Variants in WDR72 observed in about 807,000 individuals in gnomAD.
WDR72 encodes WD repeat domain 72.
In WDR72, 120 loss-of-function variants were observed where a neutral mutation model predicts 124.2. That is an observed-to-expected ratio of 0.97 (90% CI 0.83 to 1.12). The LOEUF (loss-of-function observed/expected upper bound fraction) is 1.12. Ranked by LOEUF, WDR72 falls within the 50% of genes most tolerant of loss-of-function variation. The pLI is 0.00. For missense variants in WDR72, 1,387 were observed against 1,278.8 expected (o/e 1.08, Z -1.29); for synonymous variants, 452 against 441.7 (o/e 1.02, Z -0.29).
rs185278212 is a variant in WDR72, at chr15:53,722,947, C to T, written c.154-39G>A. 98 of 1,560,560 alleles carry T rather than the reference C, an allele frequency of 6.3e-5. 1 individual carries two copies. The African/African-American group carries it at 1.1e-3, about 18-fold the overall frequency. On this transcript the variant is annotated intron_variant, in intron 2 of 19. Transcript: ENST00000360509. The stretch of plus-strand genomic sequence containing the variant: ...GAGTGAGCTTTTAAATAATTGTAAA[C>T]TGTTTGAAGAATAAAAACACCACAA...
At chr15:53,541,431 T>C (rs994804296) in intron 18 of WDR72, among the ~76,000 whole-genome samples, 1 of 151,148 alleles carries the variant, frequency 6.6e-6, no homozygotes, top group Non-Finnish European at 1.5e-5. Flanking sequence ...CAGCTGAGGG[T>C]CCTGTCTGTT....
intron 18 of WDR72, among the ~76,000 whole-genome samples, chr15:53,546,405 A>G (rs1362202741): frequency 4.0e-5 from 6 of 151,140 alleles, no homozygotes; most frequent in Non-Finnish European, 7.4e-5. Flanking sequence ...TCAGTAAACT[A>G]TCGCAAGAAC....
intron 10 of WDR72, among the ~76,000 whole-genome samples, chr15:53,705,553 C>T (rs998428688): frequency 2.6e-5 from 4 of 152,148 alleles, no homozygotes; most frequent in Non-Finnish European, 4.4e-5. Context: ...ACCTCCACCT[C>T]CTGGGTTTAA....
intron 17 of WDR72, among the ~76,000 whole-genome samples, chr15:53,599,021 G>A (rs2012917197): frequency 6.6e-6 from 1 of 152,004 alleles, no homozygotes; most frequent in Admixed American, 6.6e-5. Context: ...CTACTCAGGA[G>A]GCTGAGACAG....
chr15:53,593,404 T>G (rs1254494861), intron 18 of WDR72, among the ~76,000 whole-genome samples: 3 of 152,058 alleles, frequency 2.0e-5, no homozygotes, highest in African/African-American at 7.2e-5. Flanking sequence ...TTTGTGTCTG[T>G]AGGCAAGACA....
chr15:53,731,523 A>T (rs7179585), intron 2 of WDR72, among the ~76,000 whole-genome samples: 1 of 151,750 alleles, frequency 6.6e-6, no homozygotes, highest in African/African-American at 2.4e-5. Context: ...TTGTCCTTCA[A>T]TTGTGACAAC....
At chr15:53,584,980 G>A (rs1351850453) in intron 18 of WDR72, among the ~76,000 whole-genome samples, 1 of 151,842 alleles carries the variant, frequency 6.6e-6, no homozygotes, top group East Asian at 1.9e-4. Context: ...GCAAAAGCAG[G>A]GTTGCGTAAA....
At chr15:53,553,293 C>T (rs1893810109) in intron 18 of WDR72, among the ~76,000 whole-genome samples, 1 of 152,118 alleles carries the variant, frequency 6.6e-6, no homozygotes, top group South Asian at 2.1e-4. Context: ...GACCTGATGA[C>T]CCAAATCTGG....
Position 53,724,668 on chromosome 15 carries a change from C to A in WDR72, c.154-1760G>T, listed in dbSNP as rs141347701. Among the ~76,000 whole-genome samples the A allele has an allele frequency of 2.5e-3, 384 of 152,302 alleles. 4 individuals are homozygous for A. The highest frequency in any genetic ancestry group is 8.5e-3 in the African/African-American group (355 of 41,564). On this transcript the variant is annotated intron_variant, in intron 2 of 19. Coordinates refer to ENST00000360509, the MANE Select transcript of WDR72 (RefSeq NM_182758.4). Reference sequence around the variant, plus strand: ...ATGATCCAATCACCTCCCACGGGGTCCCTCCCACAACATGTGGGGATTACA... The same window carrying A: ...ATGATCCAATCACCTCCCACGGGGTACCTCCCACAACATGTGGGGATTACA...
intron 14 of WDR72, among the ~76,000 whole-genome samples, chr15:53,649,756 G>A (rs768009114): frequency 1.4e-4 from 21 of 152,094 alleles, no homozygotes; most frequent in Non-Finnish European, 2.4e-4. Flanking sequence ...TTTCAGGATG[G>A]CTATTATTAA....
At chr15:53,614,373 T>C (rs1268490574) in intron 15 of WDR72, among the ~76,000 whole-genome samples, 1 of 152,110 alleles carries the variant, frequency 6.6e-6, no homozygotes, top group Non-Finnish European at 1.5e-5. Context: ...AAATCCAATA[T>C]ACATGATTTT....
intron 14 of WDR72, among the ~76,000 whole-genome samples, chr15:53,661,555 G>A (rs1034323458): frequency 6.6e-6 from 1 of 152,086 alleles, no homozygotes; most frequent in African/African-American, 2.4e-5. Flanking sequence ...GGTTGGAGAG[G>A]TTAAATATCC....
intron 18 of WDR72, among the ~76,000 whole-genome samples, chr15:53,591,311 G>A (rs1462011161): frequency 6.6e-6 from 1 of 152,014 alleles, no homozygotes; most frequent in African/African-American, 2.4e-5. Flanking sequence ...TAGCTCTTGA[G>A]TCAGTGCATA....
intron 2 of WDR72, among the ~76,000 whole-genome samples, chr15:53,729,458 T>C (rs1424782885): frequency 6.7e-6 from 1 of 148,660 alleles, no homozygotes; most frequent in Non-Finnish European, 1.5e-5. Context: ...CTGCTTTTAA[T>C]TATCATGTGC....
At chr15:53,551,848 A>C (rs1893741321) in intron 18 of WDR72, among the ~76,000 whole-genome samples, 1 of 152,038 alleles carries the variant, frequency 6.6e-6, no homozygotes, top group African/African-American at 2.4e-5. Context: ...ACGACTTAGA[A>C]TACACAGACA....
chr15:53,705,301 A>G (rs1432846800), intron 10 of WDR72, 68 bp from the exon 11 acceptor site: 3 of 1,447,416 alleles, frequency 2.1e-6, no homozygotes, highest in Admixed American at 1.7e-5. Flanking sequence ...GAAAATATCA[A>G]GGCACCCTCC....
At chr15:53,680,235 T>C (rs1174010744) in intron 13 of WDR72, among the ~76,000 whole-genome samples, 2 of 152,338 alleles carry the variant, frequency 1.3e-5, no homozygotes, top group East Asian at 1.9e-4. Context: ...TTTATATCTA[T>C]ACAAGTATGC....
Position 53,714,469 on chromosome 15 carries a change from C to A in WDR72, c.556G>T (p.Val186Leu), listed in dbSNP as rs2140556707. 6.2e-7 allele frequency: 1 copy of A among 1,613,856 alleles called. No individual in the cohort carries two copies. Among genetic ancestry groups the A allele is most frequent in the East Asian group, 2.2e-5 (1 of 44,840 alleles). Residue 186 changes from valine to leucine, a missense_variant, in exon 6 of 20, where the codon GTA becomes TTA. Transcript: ENST00000360509. ...TTGATAGATGAGGAAAGATCCCATACTTTGAGCTCACCAGCTACTGATACC... is the reference window on the plus strand; with the variant it reads ...TTGATAGATGAGGAAAGATCCCATAATTTGAGCTCACCAGCTACTGATACC... ...LVVSVAGELK[V>L]WDLSSSINSI...
chr15:53,629,759 C>T (rs1288953178), intron 14 of WDR72, among the ~76,000 whole-genome samples: 1 of 151,664 alleles, frequency 6.6e-6, no homozygotes, highest in East Asian at 1.9e-4. Context: ...TTGCCCCTCT[C>T]TAGCTCCACA....
Sources: gnomAD v4.1 joint callset for allele counts (sites outside exome capture counted in the v4.1 genomes callset) on GRCh38, gnomAD v4.1.1 for gene constraint, MANE v1.5 for transcripts, NCBI Gene and HGNC (gene_info 2026-07-23, HGNC 2026-07-21) for gene names.